RIPK1: variants seen among roughly 807,000 people sequenced by gnomAD.
The protein encoded by RIPK1 is receptor interacting serine/threonine kinase 1, also known as receptor-interacting serine/threonine-protein kinase 1.
Under a neutral mutation model 62.4 loss-of-function variants are expected in RIPK1, and 27 were observed. The ratio of observed to expected loss-of-function variants is 0.43; its 90% CI spans 0.32 to 0.60. The LOEUF is 0.60. Ranked by LOEUF, RIPK1 falls within the 20% of genes least tolerant of loss-of-function variation. The pLI is 0.07. For missense variants in RIPK1, 735 were observed against 831.0 expected (o/e 0.88, Z 1.42); for synonymous variants, 287 against 303.2 (o/e 0.95, Z 0.55).
intron 7 of RIPK1, among the ~76,000 whole-genome samples, chr6:3,097,397 G>A (rs932957063): frequency 6.6e-6 from 1 of 152,116 alleles, no homozygotes; most frequent in Non-Finnish European, 1.5e-5. Context: ...GTGTAGGTTG[G>A]ACAGATACTG....
At chr6:3,086,330 A>G (rs1759690002) in intron 6 of RIPK1, among the ~76,000 whole-genome samples, 1 of 152,204 alleles carries the variant, frequency 6.6e-6, no homozygotes, top group African/African-American at 2.4e-5. Flanking sequence ...GCTAGGTTGT[A>G]TGGTAGTTTC....
At chr6:3,077,653 C>A in intron 2 of RIPK1, 126 bp from the exon 3 acceptor site, 1 of 1,016,456 alleles carries the variant, frequency 9.8e-7, no homozygotes, top group Non-Finnish European at 1.4e-6. Flanking sequence ...CTGGCCTGTG[C>A]CTGGAAGAGA....
intron 4 of RIPK1, among the ~76,000 whole-genome samples, chr6:3,082,529 C>T (rs1190082834): frequency 6.6e-6 from 1 of 152,124 alleles, no homozygotes; most frequent in Non-Finnish European, 1.5e-5. Flanking sequence ...TCCTCCTTTC[C>T]ACCCTATCTC....
chr6:3,094,139 GAGTA>G (rs1760152491), intron 7 of RIPK1, among the ~76,000 whole-genome samples: 3 of 143,218 alleles, frequency 2.1e-5, no homozygotes, highest in Non-Finnish European at 4.4e-5. Context: ...AGTAACTGCA[GAGTA>G]CCTACCTGCC....
intron 9 of RIPK1, among the ~76,000 whole-genome samples, chr6:3,106,597 CCAA>C (rs1426956986): frequency 6.6e-6 from 1 of 152,160 alleles, no homozygotes; most frequent in African/African-American, 2.4e-5. Flanking sequence ...ATAATACTCA[CCAA>C]CATCACCTTA....
Position 3,085,342 on chromosome 6 carries a change from A to G in RIPK1, c.772A>G (p.Arg258Gly), listed in dbSNP as rs779776431. 1.9e-5 allele frequency: 31 copies of G among 1,614,120 alleles called. No homozygotes were observed. The highest frequency in any genetic ancestry group is 1.4e-4 in the South Asian group (13 of 91,084). The change falls in exon 6 of 11, where the codon AGA (arginine) becomes GGA (glycine). Residue 258 changes from arginine to glycine, a missense_variant. Around this residue, in one of 2 missense-constraint regions of RIPK1, gnomAD observed 671 missense variants for 726.2 expected, o/e 0.92. Transcript: ENST00000259808. ...DVDDITEYCP[R>G]EIISLMKLCW... is the part of the protein sequence containing the mutation. ...GGATGACATCACTGAGTACTGCCCA[A>G]GAGAAATTATCAGTCTCATGAAGCT...
chr6:3,085,242 A>C lies in RIPK1; in HGVS notation c.689-17A>C. 6.2e-7 allele frequency: 1 copy of C among 1,613,916 alleles called. No homozygotes were observed. The highest frequency in any genetic ancestry group is 8.5e-7 in the Non-Finnish European group (1 of 1,179,926). On this transcript the variant is annotated splice_polypyrimidine_tract_variant and intron_variant, in intron 5 of 10. Transcript: ENST00000259808. ...TGAGAGAGGAGCAAGACCTGAAAGA[A>C]AGTCTTTGCTTTGTAGATGCTATCT...
rs773303542 is a variant in RIPK1 at position 3,105,480 on chromosome 6, A to T, written c.1007-2A>T. On this transcript the variant is annotated splice_acceptor_variant, in intron 8 of 10. Coordinates refer to ENST00000259808, the MANE Select transcript of RIPK1 (RefSeq NM_001354930.2). LOFTEE classifies it high-confidence loss of function. The surrounding 1 kb of genome is among the most constrained non-coding windows in gnomAD (Gnocchi z 4.5). ...ATTCTAATGTTGATCATTTCTTCTC[A>T]GCCACAGAACAGCCTGGTTCACTGC... The T allele has an allele frequency of 7.2e-6, 11 of 1,526,636 alleles. No homozygotes were observed. In the South Asian group the frequency reaches 1.4e-4, roughly 20 times the overall value. 94.6% of individuals were successfully genotyped at this position (1,526,636 alleles called of 1,614,324 possible). A position where few individuals can be genotyped will look rare whatever the true frequency, so the allele number is the denominator to read the frequency against.
At chr6:3,074,269 C>T (rs918279183) in intron 1 of RIPK1, among the ~76,000 whole-genome samples, 3 of 152,198 alleles carry the variant, frequency 2.0e-5, no homozygotes, top group Admixed American at 2.0e-4. Context: ...TCTGAACCGT[C>T]ATATAAATAG....
chr6:3,078,482 G>T (rs984795944), intron 3 of RIPK1, among the ~76,000 whole-genome samples: 2 of 152,200 alleles, frequency 1.3e-5, no homozygotes, highest in Admixed American at 1.3e-4. Flanking sequence ...AATGTGATTG[G>T]CTGTTTACCA....
chr6:3,109,428 G>A (rs1028540323), intron 9 of RIPK1, among the ~76,000 whole-genome samples: 7 of 152,202 alleles, frequency 4.6e-5, no homozygotes, highest in Non-Finnish European at 8.8e-5. Flanking sequence ...AACAGTGAAA[G>A]GAAGATCAGA....
In RIPK1 at chr6:3,113,429, C is replaced by T; in HGVS notation, c.*90C>T. The T allele has an allele frequency of 7.9e-7, 1 of 1,261,432 alleles. No homozygotes were observed. Among genetic ancestry groups the T allele is most frequent in the Non-Finnish European group, 1.1e-6 (1 of 911,550 alleles). The allele number at this position is 1,261,432 out of a possible 1,614,324, so 78.1% of individuals were successfully genotyped here. A position where few individuals can be genotyped will look rare whatever the true frequency, so the allele number is the denominator to read the frequency against. On this transcript the variant is annotated 3_prime_UTR_variant, in exon 11 of 11. Transcript: ENST00000259808. This position sits in a 1 kb window ranked among gnomAD's most constrained non-coding sequence, Gnocchi z 5.0. ...TGCCTCAGAGCATTCAGAATTCTGT[C>T]CTCACTGATAGGGGTTCTGTGTCTG...
In RIPK1 at chr6:3,105,885, C is replaced by G. The variant is rs747998139; in HGVS notation, c.1410C>G (p.Ser470Arg). The G allele has an allele frequency of 6.2e-7, 1 of 1,614,162 alleles. No homozygotes were observed. Among genetic ancestry groups the G allele is most frequent in the South Asian group, 1.1e-5 (1 of 91,082 alleles). ...QVLYQNNGLY[S>R]SHGFGTRPLD... is the part of the protein sequence containing the mutation. ...TGTATCAGAACAATGGATTATATAG[C>G]TCACATGGCTTTGGAACAAGACCAC... The change falls in exon 9 of 11, where the codon AGC becomes AGG. Residue 470 changes from serine (S) to arginine (R), a missense_variant. Around this residue, in one of 2 missense-constraint regions of RIPK1, gnomAD observed 671 missense variants for 726.2 expected, o/e 0.92. Transcript: ENST00000259808. This position sits in a 1 kb window ranked among gnomAD's most constrained non-coding sequence, Gnocchi z 4.5.
In RIPK1 at chr6:3,072,596, G is replaced by A. The variant is rs892044468; in HGVS notation, c.-61+3935G>A. Among the ~76,000 whole-genome samples, 1 of 152,010 alleles carries A rather than the reference G, an allele frequency of 6.6e-6. No individual in the cohort carries two copies. The highest frequency in any genetic ancestry group is 6.6e-5 in the Admixed American group (1 of 15,254). ...ATTGATGATGGGCCGGCATACGTTG[G>A]GTTCTGCTAGGCTCTGGAGATGGTG... is the stretch of plus-strand genomic sequence containing the variant. On this transcript the variant is annotated intron_variant, in intron 1 of 10. Coordinates refer to ENST00000259808, the MANE Select transcript of RIPK1 (RefSeq NM_001354930.2). The surrounding 1 kb of genome is among the most constrained non-coding windows in gnomAD (Gnocchi z 5.6).
upstream of RIPK1, among the ~76,000 whole-genome samples, chr6:3,064,581 G>A (rs1416321707): frequency 6.6e-6 from 1 of 152,196 alleles, no homozygotes; most frequent in Non-Finnish European, 1.5e-5. Flanking sequence ...CGCCTGCAGA[G>A]CCTGCGGTCT....
intron 6 of RIPK1, among the ~76,000 whole-genome samples, chr6:3,085,909 A>G (rs112573926): frequency 0.016 from 2,405 of 152,310 alleles, 20 homozygotes; most frequent in Non-Finnish European, 0.022. Context: ...GTGTTGTAGC[A>G]TATGTCAGAA....
intron 1 of RIPK1, among the ~76,000 whole-genome samples, chr6:3,074,750 C>T (rs766990133): frequency 6.6e-5 from 10 of 151,984 alleles, no homozygotes; most frequent in African/African-American, 9.7e-5. Context: ...CATGCGATCT[C>T]GGCTCACTGC....
At chr6:3,102,364 G>A (rs890518035) in intron 7 of RIPK1, among the ~76,000 whole-genome samples, 3 of 152,272 alleles carry the variant, frequency 2.0e-5, no homozygotes, top group East Asian at 1.9e-4. Flanking sequence ...TGTATAAGGT[G>A]CATATGAAAC....
chr6:3,106,134 G>A (rs1428753396), intron 9 of RIPK1, 83 bp downstream of exon 9: 2 of 1,103,346 alleles, frequency 1.8e-6, no homozygotes, highest in East Asian at 2.4e-5. Flanking sequence ...ATTATAGATT[G>A]TGGGTTATAA....
Sources: allele counts gnomAD v4.1 joint callset (sites outside exome capture counted in the v4.1 genomes callset), GRCh38; gene constraint gnomAD v4.1.1; regional missense constraint gnomAD v4.1.1; non-coding constraint Gnocchi (gnomAD v3.1); transcripts MANE v1.5; gene names NCBI Gene and HGNC (gene_info 2026-07-23, HGNC 2026-07-21).